The following SLC30A10 variants were observed in gnomAD, a reference collection of about 807,000 sequenced individuals.
The protein encoded by SLC30A10 is calcium/manganese antiporter SLC30A10.
SLC30A10 carries 8 observed loss-of-function variants against 21.7 expected under a neutral mutation model. The observed-to-expected ratio is 0.37, with a 90% CI of 0.22 to 0.67. The LOEUF is 0.67. Among genes scored for constraint, SLC30A10 ranks in the 30% least tolerant of loss-of-function variants. SLC30A10 has a pLI of 0.58. For missense variants in SLC30A10, 521 were observed against 642.5 expected (o/e 0.81, Z 2.04); for synonymous variants, 272 against 279.4 (o/e 0.97, Z 0.26).
chr1:219,922,198 T>G (rs1256204607), intron 2 of SLC30A10, among the ~76,000 whole-genome samples: 12,406 of 52,968 alleles, frequency 0.23, 378 homozygotes, highest in Non-Finnish European at 0.3. Flanking sequence ...TTTTTTTTTT[T>G]TTTTTTTTTT....
At position 219,937,550 on chromosome 1, in the gene SLC30A10, C is replaced by T. The variant is rs527974909; in HGVS notation, n.81-10445G>A. ...CTTGATGAGGCCAGGCACAGTGGCTCACGCCTGTAATCCCAACATTTTGGG... is the reference window on the plus strand; with the variant it reads ...CTTGATGAGGCCAGGCACAGTGGCTTACGCCTGTAATCCCAACATTTTGGG... On this transcript the variant is annotated intron_variant and non_coding_transcript_variant, in intron 1 of 8. Coordinates refer to the SLC30A10 transcript ENST00000484239. 3.3e-5 allele frequency among the ~76,000 whole-genome samples: 5 copies of T among 152,356 alleles called. No individual in the cohort carries two copies. The East Asian group carries it at 7.7e-4, about 24-fold the overall frequency.
rs748387183 is a variant in SLC30A10, at chr1:219,915,863, G to A, written c.1044C>T (p.Thr348=). The part of the protein sequence containing the change: ...WELVSGKIIA[T]LHIKYPKDRG... ...TGTCCTTAGGATACTTGATGTGCAG[G>A]GTGGCAATAATCTTTCCACTTACAA... Residue 348 remains threonine, a synonymous_variant, in exon 4 of 4, where the codon ACC becomes ACT. Transcript: ENST00000366926. The A allele has an allele frequency of 6.2e-7, 1 of 1,614,108 alleles. No individual in the cohort carries two copies. The highest frequency in any genetic ancestry group is 8.5e-7 in the Non-Finnish European group (1 of 1,180,032).
At chr1:219,927,212 T>A in intron 1 of SLC30A10, 107 bp from the exon 2 acceptor site, 1 of 1,153,282 alleles carries the variant, frequency 8.7e-7, no homozygotes, top group Non-Finnish European at 1.3e-6. Flanking sequence ...TCTACTAGCT[T>A]AAGGGAGACC....
At chr1:219,943,228 TAAGTA>T (rs1660143638) in intron 1 of SLC30A10, among the ~76,000 whole-genome samples, 1 of 152,042 alleles carries the variant, frequency 6.6e-6, no homozygotes, top group African/African-American at 2.4e-5. Context: ...CTGGAAAGTA[TAAGTA>T]AAGAACAAGT....
intron 1 of SLC30A10, among the ~76,000 whole-genome samples, chr1:219,953,348 G>A (rs1015706464): frequency 2.6e-5 from 4 of 152,040 alleles, no homozygotes; most frequent in African/African-American, 7.2e-5. Flanking sequence ...TGTAATCCCA[G>A]CACTTTGGGA....
chr1:219,937,284 T>C (rs60064637), intron 1 of SLC30A10, among the ~76,000 whole-genome samples: 3,557 of 152,332 alleles, frequency 0.023, 127 homozygotes, highest in African/African-American at 0.078. Flanking sequence ...TCTTTATTTT[T>C]GATATTTAGC....
intron 1 of SLC30A10, among the ~76,000 whole-genome samples, chr1:219,948,447 A>C (rs531154919): frequency 6.6e-6 from 1 of 152,332 alleles, no homozygotes; most frequent in East Asian, 1.9e-4. Flanking sequence ...GAGCCCTCAG[A>C]AATAATGCCA....
intron 2 of SLC30A10, among the ~76,000 whole-genome samples, chr1:219,920,885 G>A (rs1041652352): frequency 4.6e-5 from 7 of 152,160 alleles, no homozygotes; most frequent in Non-Finnish European, 7.4e-5. Context: ...GTAAAATGTT[G>A]TAAATGGCAA....
chr1:219,941,576 C>CCTTCCTCTCTGCCTTCCTCT, intron 1 of SLC30A10, among the ~76,000 whole-genome samples: 1 of 127,018 alleles, frequency 7.9e-6, no homozygotes, highest in East Asian at 2.2e-4. Flanking sequence ...TTCCTCCCTC[C>CCTTCCTCTCTGCCTTCCTCT]CTTCCTCTCT....
At chr1:219,925,647 A>T (rs113359103) in intron 2 of SLC30A10, among the ~76,000 whole-genome samples, 5,689 of 67,782 alleles carry the variant, frequency 0.084, 372 homozygotes, top group East Asian at 0.17. Context: ...ATATATATAT[A>T]TATATTTTTT....
intron 2 of SLC30A10, among the ~76,000 whole-genome samples, chr1:219,925,511 G>A (rs1659792739): frequency 6.6e-6 from 1 of 150,934 alleles, no homozygotes; most frequent in African/African-American, 2.4e-5. Flanking sequence ...TCCAGCCTGG[G>A]AGACAGAGCA....
chr1:219,953,996 G>C (rs186214042), intron 1 of SLC30A10, among the ~76,000 whole-genome samples: 1 of 151,788 alleles, frequency 6.6e-6, no homozygotes, highest in Non-Finnish European at 1.5e-5. Flanking sequence ...GTGAGCCACC[G>C]CGCCCGGCCT....
upstream of SLC30A10, among the ~76,000 whole-genome samples, chr1:219,933,313 G>A (rs972429793): frequency 6.6e-6 from 1 of 152,172 alleles, no homozygotes; most frequent in African/African-American, 2.4e-5. Context: ...TTAGGAGCAC[G>A]AGCATAGCAT....
Position 219,928,362 on chromosome 1 carries a change from C to T in SLC30A10, c.79G>A (p.Val27Ile). Reference sequence around the variant, plus strand: ...ATGGAGTTGCCCAGGTAGCCGGAGACCAGCTCCGCCACGAAGAAGGCGACG... The same window carrying T: ...ATGGAGTTGCCCAGGTAGCCGGAGATCAGCTCCGCCACGAAGAAGGCGACG... ...LTVAFFVAEL[V>I]SGYLGNSIAL... is the part of the protein sequence containing the mutation. Residue 27 changes from valine (V) to isoleucine (I), a missense_variant, in exon 1 of 4, where the codon GTC becomes ATC. Val to Ile is a conservative substitution (Grantham distance 29, BLOSUM62 3). Coordinates refer to ENST00000366926, the MANE Select transcript of SLC30A10 (RefSeq NM_018713.3). The surrounding 1 kb of genome is among the most constrained non-coding windows in gnomAD (Gnocchi z 6.3). The T allele has an allele frequency of 6.2e-7, 1 of 1,613,402 alleles. No homozygotes were observed. Among genetic ancestry groups the T allele is most frequent in the Non-Finnish European group, 8.5e-7 (1 of 1,179,724 alleles).
chr1:219,952,967 G>T (rs778344650), intron 1 of SLC30A10, among the ~76,000 whole-genome samples: 1 of 152,114 alleles, frequency 6.6e-6, no homozygotes, highest in Non-Finnish European at 1.5e-5. Context: ...GAAGTAAGAG[G>T]TTAGGTAAGC....
At chr1:219,956,252 C>T (rs1660347548) in intron 1 of SLC30A10, among the ~76,000 whole-genome samples, 1 of 152,190 alleles carries the variant, frequency 6.6e-6, no homozygotes, top group Non-Finnish European at 1.5e-5. Context: ...CTCACTGCAG[C>T]CTCAAACTTC....
chr1:219,952,825 C>G (rs778061775), intron 1 of SLC30A10, among the ~76,000 whole-genome samples: 67 of 152,144 alleles, frequency 4.4e-4, no homozygotes, highest in Non-Finnish European at 8.5e-4. Context: ...AAGAGATGGT[C>G]TCTTTAACTT....
intron 3 of SLC30A10, among the ~76,000 whole-genome samples, chr1:219,917,784 C>G (rs1239572722): frequency 6.7e-6 from 1 of 148,318 alleles, no homozygotes; most frequent in Non-Finnish European, 1.5e-5. Context: ...AATCTCAGCT[C>G]CCTGCAACCT....
At position 219,952,621 on chromosome 1, in the gene SLC30A10, C is replaced by G. The variant is rs563467810; in HGVS notation, n.80+5947G>C. Among the ~76,000 whole-genome samples, 3 of 152,218 alleles carry G rather than the reference C, an allele frequency of 2.0e-5. 1 individual carries two copies. In the South Asian group the frequency reaches 6.2e-4, roughly 32 times the overall value. ...TTGTCTAAACAATGGAAATAAATAG[C>G]AAGTATTCTCTCTAGCTAATTATTT... On this transcript the variant is annotated intron_variant and non_coding_transcript_variant, in intron 1 of 8. Coordinates refer to the SLC30A10 transcript ENST00000484239.
Sources: gnomAD v4.1 joint callset for allele counts (sites outside exome capture counted in the v4.1 genomes callset) on GRCh38, gnomAD v4.1.1 for gene constraint, Gnocchi (gnomAD v3.1) non-coding constraint, MANE v1.5 for transcripts, NCBI Gene and HGNC (gene_info 2026-07-23, HGNC 2026-07-21) for gene names.